The following ATXN1 variants were observed in gnomAD, a reference collection of about 807,000 sequenced individuals.
ATXN1 encodes the protein ataxin 1.
Under a neutral mutation model 56.4 loss-of-function variants are expected in ATXN1, and 8 were observed. The observed-to-expected ratio is 0.14, with a 90% CI of 0.08 to 0.26. The LOEUF is 0.26. ATXN1 is among the 10% of genes least tolerant of loss of function. The pLI is 1.00. For synonymous variants in ATXN1, 514 were observed against 494.6 expected (o/e 1.04, Z -0.52); for missense variants, 987 against 1,106.5 (o/e 0.89, Z 1.53).
chr6:16,583,043 T>C (rs938587067), intron 4 of ATXN1, among the ~76,000 whole-genome samples: 6 of 152,262 alleles, frequency 3.9e-5, no homozygotes, highest in African/African-American at 1.4e-4. Context: ...TTATTAATTT[T>C]GTTGAAATAA....
chr6:16,401,643 C>CT (rs60535095), intron 6 of ATXN1, among the ~76,000 whole-genome samples: 112,471 of 152,028 alleles, frequency 0.74, 41,849 homozygotes, highest in East Asian at 0.98. Flanking sequence ...GGTGGACACA[C>CT]TTTGAGTCTC....
intron 3 of ATXN1, among the ~76,000 whole-genome samples, chr6:16,596,385 T>A (rs2113775871): frequency 6.6e-6 from 1 of 152,266 alleles, no homozygotes; most frequent in South Asian, 2.1e-4. Context: ...CCTGCAAATA[T>A]GATAGGGAAA....
intron 4 of ATXN1, among the ~76,000 whole-genome samples, chr6:16,570,080 T>C (rs1762304922): frequency 6.6e-6 from 1 of 152,212 alleles, no homozygotes; most frequent in Non-Finnish European, 1.5e-5. Flanking sequence ...TTGGGGTTGC[T>C]TGTTATTGCA....
chr6:16,529,533 C>T (rs942469059), intron 4 of ATXN1, among the ~76,000 whole-genome samples: 3 of 152,090 alleles, frequency 2.0e-5, no homozygotes, highest in African/African-American at 4.8e-5. Context: ...CTGACCTAAG[C>T]GCAATGTTAA....
At chr6:16,491,183 TC>T (rs772959861) in intron 5 of ATXN1, among the ~76,000 whole-genome samples, 50 of 136,302 alleles carry the variant, frequency 3.7e-4, no homozygotes, top group Non-Finnish European at 7.2e-4. Flanking sequence ...AACCTCTGAC[TC>T]CGAGTTCAAG....
intron 2 of ATXN1, among the ~76,000 whole-genome samples, chr6:16,698,145 C>G (rs1439354251): frequency 1.3e-5 from 2 of 152,228 alleles, no homozygotes; most frequent in African/African-American, 4.8e-5. Flanking sequence ...CTGTGGTTAA[C>G]TTTTCACCTG....
chr6:16,728,886 A>G (rs1581399128), intron 2 of ATXN1, among the ~76,000 whole-genome samples: 1 of 152,152 alleles, frequency 6.6e-6, no homozygotes, highest in Admixed American at 6.5e-5. Context: ...CTTCCCCGTC[A>G]CCCAGCTTCT....
intron 4 of ATXN1, among the ~76,000 whole-genome samples, chr6:16,561,840 A>G (rs1312795993): frequency 6.6e-6 from 1 of 152,148 alleles, no homozygotes; most frequent in East Asian, 1.9e-4. Flanking sequence ...AGGAACATGT[A>G]TATAATTATG....
At chr6:16,336,581 C>T (rs1761127862) in intron 6 of ATXN1, among the ~76,000 whole-genome samples, 1 of 152,206 alleles carries the variant, frequency 6.6e-6, no homozygotes. Flanking sequence ...GCCTCTGGCA[C>T]AGGTCGGACG....
chr6:16,661,765 G>A (rs1463878600), intron 2 of ATXN1, among the ~76,000 whole-genome samples: 1 of 152,204 alleles, frequency 6.6e-6, no homozygotes, highest in African/African-American at 2.4e-5. Context: ...TCCTGTGGAA[G>A]GGCCCACATG....
intron 3 of ATXN1, among the ~76,000 whole-genome samples, chr6:16,657,191 G>C (rs557631916): frequency 5.3e-5 from 8 of 151,898 alleles, no homozygotes; most frequent in Admixed American, 5.2e-4. Flanking sequence ...GTTTCACCGC[G>C]TTAGCCAGGA....
chr6:16,419,107 G>A (rs972078264), intron 6 of ATXN1, among the ~76,000 whole-genome samples: 6 of 152,192 alleles, frequency 3.9e-5, no homozygotes, highest in East Asian at 3.9e-4. Flanking sequence ...CAACTGTCAT[G>A]AGCTTTTTGT....
chr6:16,475,943 C>G (rs2113644625), intron 6 of ATXN1, among the ~76,000 whole-genome samples: 1 of 151,124 alleles, frequency 6.6e-6, no homozygotes, highest in South Asian at 2.1e-4. Flanking sequence ...GATCTTGGCT[C>G]ACTGCAACCT....
rs73728022 is a variant in ATXN1 at position 16,595,737 on chromosome 6, G to A, written c.-488-9830C>T. ...TGTACGAAGGATGTCTCTGGAAAACGGAATGTTGACAGAGAGTAAACAAGC... is the reference window on the plus strand; with the variant it reads ...TGTACGAAGGATGTCTCTGGAAAACAGAATGTTGACAGAGAGTAAACAAGC... On this transcript the variant is annotated intron_variant, in intron 3 of 7. Coordinates refer to ENST00000436367, the MANE Select transcript of ATXN1 (RefSeq NM_001128164.2). 4.8e-3 allele frequency among the ~76,000 whole-genome samples: 728 copies of A among 152,346 alleles called. 5 individuals carry two copies. The highest frequency in any genetic ancestry group is 0.016 in the African/African-American group (685 of 41,572).
chr6:16,703,589 T>C (rs190203514), intron 2 of ATXN1, among the ~76,000 whole-genome samples: 87 of 152,314 alleles, frequency 5.7e-4, no homozygotes, highest in Non-Finnish European at 1.1e-3. Context: ...GAGACTAACA[T>C]CTTAATTTTA....
At chr6:16,521,345 G>A (rs1761284525) in intron 5 of ATXN1, among the ~76,000 whole-genome samples, 1 of 152,198 alleles carries the variant, frequency 6.6e-6, no homozygotes, top group African/African-American at 2.4e-5. Context: ...GGATCACGAG[G>A]TCAGGAGATG....
rs1274216347 is a variant in ATXN1, at chr6:16,305,506, C to G, written c.*823G>C. On this transcript the variant is annotated 3_prime_UTR_variant, in exon 8 of 8. Transcript: ENST00000436367. Reference sequence around the variant, plus strand: ...TTCGCTCTCTCCCTCTCCCCCACCCCCAACCCCCCTTACCCCATGTGGGGC... The same window carrying G: ...TTCGCTCTCTCCCTCTCCCCCACCCGCAACCCCCCTTACCCCATGTGGGGC... 2.0e-5 allele frequency: 3 copies of G among 152,512 alleles called. No homozygotes were observed. Among genetic ancestry groups the G allele is most frequent in the African/African-American group, 7.2e-5 (3 of 41,450 alleles). The allele number at this position is 152,512 out of a possible 1,614,324, so 9.4% of individuals were successfully genotyped here. A position where few individuals can be genotyped will look rare whatever the true frequency, so the allele number is the denominator to read the frequency against.
intron 6 of ATXN1, among the ~76,000 whole-genome samples, chr6:16,411,654 C>T (rs1057285276): frequency 1.3e-5 from 2 of 152,066 alleles, no homozygotes; most frequent in East Asian, 1.9e-4. Flanking sequence ...TCATTGAAGA[C>T]GTTCAAGGAT....
chr6:16,544,901 G>T (rs191509215), intron 4 of ATXN1, among the ~76,000 whole-genome samples: 163 of 152,274 alleles, frequency 1.1e-3, no homozygotes, highest in African/African-American at 3.6e-3. Context: ...GCGAGAAGAT[G>T]AGTAGAAATA....
Sources: allele counts gnomAD v4.1 joint callset (sites outside exome capture counted in the v4.1 genomes callset), GRCh38; gene constraint gnomAD v4.1.1; transcripts MANE v1.5; gene names NCBI Gene and HGNC (gene_info 2026-07-23, HGNC 2026-07-21).